SPATA7: variants seen among roughly 807,000 people sequenced by gnomAD.
SPATA7 encodes spermatogenesis associated 7, also known as spermatogenesis-associated protein 7.
In SPATA7, 43 loss-of-function variants were observed where a neutral mutation model predicts 51.8. That is an observed-to-expected ratio of 0.83 (90% CI 0.65 to 1.07). The LOEUF is 1.07. Ranked by LOEUF, SPATA7 falls within the 50% of genes least tolerant of loss-of-function variation. The pLI is 0.00. For synonymous variants in SPATA7, 230 were observed against 252.8 expected, an observed-to-expected ratio of 0.91 and a Z score of 0.86; for missense variants, 683 against 701.3, an observed-to-expected ratio of 0.97 and a Z score of 0.30.
downstream of SPATA7, among the ~76,000 whole-genome samples, chr14:88,442,985 AGGCT>A (rs2077188192): frequency 7.1e-6 from 1 of 140,542 alleles, no homozygotes; most frequent in East Asian, 2.1e-4. Flanking sequence ...TCTGTCACCT[AGGCT>A]GGAGTGCAGT....
chr14:88,391,445 CAAAAGT>C lies in SPATA7; in HGVS notation c.87_92del (p.Lys29_Ser30del). The stretch of plus-strand genomic sequence containing the variant: ...GCCTATTTAAAGGACACTTGAGCAC[CAAAAGT>C]AATGGTAAGTGAGGTGCTTAAAACG... On this transcript the variant is annotated inframe_deletion, in exon 2 of 12. Transcript: ENST00000393545. The C allele has an allele frequency of 1.2e-6, 2 of 1,613,462 alleles. No homozygotes were observed. The highest frequency in any genetic ancestry group is 1.7e-6 in the Non-Finnish European group (2 of 1,179,656).
intron 9 of SPATA7, 38 bp from the exon 10 acceptor site, chr14:88,433,097 G>A (rs2273172): frequency 0.03 from 44,846 of 1,500,926 alleles, 2,212 homozygotes; most frequent in East Asian, 0.26. Flanking sequence ...AATAAGTAAG[G>A]AATAATTTTT....
intron 4 of SPATA7, among the ~76,000 whole-genome samples, chr14:88,397,645 A>C (rs890309058): frequency 7.1e-6 from 1 of 141,830 alleles, no homozygotes; most frequent in Non-Finnish European, 1.5e-5. Flanking sequence ...TGTCTCAAGA[A>C]AAAAAAAAAA....
chr14:88,393,755 A>C (rs920968177), intron 3 of SPATA7: 1 of 281,920 alleles, frequency 3.5e-6, no homozygotes, highest in African/African-American at 2.2e-5. Context: ...TATTGCTTTT[A>C]ATATGAAAAT....
Position 88,426,569 on chromosome 14 carries a change from A to G in SPATA7, c.710A>G (p.Gln237Arg). The change falls in exon 6 of 12, where the codon CAA (glutamine) becomes CGA (arginine). Residue 237 changes from glutamine to arginine, a missense_variant. Transcript: ENST00000393545. Reference sequence around the variant, plus strand: ...CATTCTGAACTCTTTTCTAACAAACAATTGCCATTCACTCCTCGCACTTTA... The same window carrying G: ...CATTCTGAACTCTTTTCTAACAAACGATTGCCATTCACTCCTCGCACTTTA... The part of the protein sequence containing the change: ...DKHSELFSNK[Q>R]LPFTPRTLKT... The G allele has an allele frequency of 5.0e-6, 8 of 1,614,148 alleles. No individual in the cohort carries two copies. Among genetic ancestry groups the G allele is most frequent in the Non-Finnish European group, 6.8e-6 (8 of 1,180,022 alleles).
downstream of SPATA7, among the ~76,000 whole-genome samples, chr14:88,459,050 C>T (rs903217094): frequency 3.3e-5 from 5 of 152,122 alleles, no homozygotes; most frequent in African/African-American, 1.2e-4. Context: ...GTTTCTTAAT[C>T]CTGAGTTCTA....
intron 10 of SPATA7, 85 bp from the exon 11 acceptor site, chr14:88,437,458 T>C: frequency 1.1e-6 from 1 of 934,672 alleles, no homozygotes; most frequent in Non-Finnish European, 1.7e-6. Context: ...TTTTCAACCT[T>C]TGTAGTTTCA....
At chr14:88,459,925 C>T (rs1322901291), downstream of SPATA7, among the ~76,000 whole-genome samples, 1 of 151,964 alleles carries the variant, frequency 6.6e-6, no homozygotes, top group Non-Finnish European at 1.5e-5. Context: ...GACAAAATCT[C>T]TCAGCATTTG....
At chr14:88,402,971 A>C (rs1406522286) in intron 4 of SPATA7, among the ~76,000 whole-genome samples, 2 of 140,602 alleles carry the variant, frequency 1.4e-5, no homozygotes, top group South Asian at 2.1e-4. Context: ...AAAAAAAAAA[A>C]AAAAAAAAAA....
At chr14:88,433,044 T>C (rs1193328361) in intron 9 of SPATA7, 91 bp from the exon 10 acceptor site, 1 of 927,974 alleles carries the variant, frequency 1.1e-6, no homozygotes, top group African/African-American at 1.6e-5. Context: ...ATGGTAGAGA[T>C]AGATATTTCT....
intron 3 of SPATA7, among the ~76,000 whole-genome samples, chr14:88,445,174 G>C (rs1366243764): frequency 6.6e-6 from 1 of 151,446 alleles, no homozygotes; most frequent in African/African-American, 2.4e-5. Flanking sequence ...GCAGTGGTTT[G>C]TAGTTCTCCT....
intron 4 of SPATA7, among the ~76,000 whole-genome samples, chr14:88,411,337 A>G (rs2076336879): frequency 6.6e-6 from 1 of 152,168 alleles, no homozygotes; most frequent in Non-Finnish European, 1.5e-5. Flanking sequence ...GAGCTAGACC[A>G]TTCGCCTCCC....
intron 4 of SPATA7, chr14:88,468,269 G>A (rs2077396504): frequency 3.1e-6 from 5 of 1,591,976 alleles, no homozygotes; most frequent in Non-Finnish European, 4.3e-6. Flanking sequence ...CCAGCACCTA[G>A]GTTGAGAGAA....
intron 4 of SPATA7, among the ~76,000 whole-genome samples, chr14:88,464,672 G>A (rs1332638730): frequency 6.6e-6 from 1 of 152,136 alleles, no homozygotes; most frequent in Non-Finnish European, 1.5e-5. Flanking sequence ...GGAGGTTTCA[G>A]TAAGCCGAGA....
intron 4 of SPATA7, among the ~76,000 whole-genome samples, chr14:88,400,834 C>CA (rs1351920451): frequency 6.6e-6 from 1 of 151,448 alleles, no homozygotes; most frequent in Non-Finnish European, 1.5e-5. Flanking sequence ...GATAAAATCT[C>CA]AAAAAAATAA....
chr14:88,386,058 G>T, intron 1 of SPATA7: 11 of 1,430,516 alleles, frequency 7.7e-6, no homozygotes, highest in Non-Finnish European at 1.0e-5. Flanking sequence ...TGAATTTGTC[G>T]CCCTGACACC....
chr14:88,437,694 C>CTTT, intron 11 of SPATA7, 97 bp downstream of exon 11: 1 of 1,311,012 alleles, frequency 7.6e-7, no homozygotes, highest in Non-Finnish European at 1.1e-6. Flanking sequence ...AAAGCAAGTG[C>CTTT]TTTTTTTTTC....
intron 4 of SPATA7, among the ~76,000 whole-genome samples, chr14:88,407,393 G>C (rs1302221663): frequency 6.6e-6 from 1 of 152,038 alleles, no homozygotes; most frequent in African/African-American, 2.4e-5. Flanking sequence ...TTTCATGTTT[G>C]TTGGCCACAT....
At position 88,468,019 on chromosome 14, in the gene SPATA7, C is replaced by T. The variant is rs368699513; in HGVS notation, c.255-1828C>T. 69 of 1,294,016 alleles carry T rather than the reference C, an allele frequency of 5.3e-5. 1 individual carries two copies. The African/African-American group carries it at 5.8e-4, about 11-fold the overall frequency. The allele number at this position is 1,294,016 out of a possible 1,614,324, so 80.2% of individuals were successfully genotyped here. A position where few individuals can be genotyped will look rare whatever the true frequency, so the allele number is the denominator to read the frequency against. On this transcript the variant is annotated intron_variant, in intron 4 of 4. Coordinates refer to the SPATA7 transcript ENST00000556406. ...GCCGCCATTCAGACTGCGCCACTTA[C>T]GTCCCAGTGCCACGCTGCGTGGATC...
Sources: gnomAD v4.1 joint callset for allele counts (sites outside exome capture counted in the v4.1 genomes callset) on GRCh38, gnomAD v4.1.1 for gene constraint, MANE v1.5 for transcripts, NCBI Gene and HGNC (gene_info 2026-07-23, HGNC 2026-07-21) for gene names.